The following ARHGEF3 variants were observed in gnomAD, a reference collection of about 807,000 sequenced individuals.
ARHGEF3 encodes the protein Rho guanine nucleotide exchange factor 3.
ARHGEF3 carries 28 observed loss-of-function variants against 63.2 expected under a neutral mutation model. The observed-to-expected ratio is 0.44, with a 90% CI of 0.33 to 0.61. The LOEUF (loss-of-function observed/expected upper bound fraction) is 0.61. Ranked by LOEUF, ARHGEF3 falls within the 20% of genes least tolerant of loss-of-function variation. The pLI is 0.03. For missense variants in ARHGEF3, 533 were observed against 659.3 expected (o/e 0.81, Z 2.10); for synonymous variants, 266 against 254.2 (o/e 1.05, Z -0.44).
At chr3:56,995,037 AGGCCTCAGGAGACTG>A (rs1368823984) in intron 2 of ARHGEF3, among the ~76,000 whole-genome samples, 2 of 152,098 alleles carry the variant, frequency 1.3e-5, no homozygotes, top group Non-Finnish European at 2.9e-5. Context: ...AAGTTTCCTG[AGGCCTCAGGAGACTG>A]GGCCTCAGTT....
At chr3:57,017,065 CG>C (rs869281490) in intron 2 of ARHGEF3, among the ~76,000 whole-genome samples, 3,633 of 148,580 alleles carry the variant, frequency 0.024, 74 homozygotes, top group Non-Finnish European at 0.033. Context: ...CACACACACA[CG>C]AGTCACCAAA....
intron 3 of ARHGEF3, among the ~76,000 whole-genome samples, chr3:56,936,967 C>T (rs1160069297): frequency 6.6e-6 from 1 of 152,216 alleles, no homozygotes; most frequent in East Asian, 1.9e-4. Flanking sequence ...AATCCACCCG[C>T]CTTGACCTCC....
At chr3:56,945,207 T>A (rs547446690) in intron 3 of ARHGEF3, among the ~76,000 whole-genome samples, 1 of 151,766 alleles carries the variant, frequency 6.6e-6, no homozygotes, top group Non-Finnish European at 1.5e-5. Context: ...AGAAGACGGG[T>A]GATTTCTGCG....
At chr3:57,060,009 A>C (rs1314965528) in intron 1 of ARHGEF3, among the ~76,000 whole-genome samples, 1 of 149,684 alleles carries the variant, frequency 6.7e-6, no homozygotes, top group Non-Finnish European at 1.5e-5. Flanking sequence ...AAATAAAAAT[A>C]AAAATAAAAA....
chr3:57,013,564 G>T (rs9878105), intron 2 of ARHGEF3, among the ~76,000 whole-genome samples: 15,138 of 151,522 alleles, frequency 0.1, 2,568 homozygotes, highest in African/African-American at 0.34. Flanking sequence ...GTTCTCCGTG[G>T]CTAGCTAATC....
At chr3:56,795,062 G>A (rs569771725) in intron 1 of ARHGEF3, among the ~76,000 whole-genome samples, 2 of 150,052 alleles carry the variant, frequency 1.3e-5, no homozygotes, top group Admixed American at 6.7e-5. Flanking sequence ...ATGGGGTCTC[G>A]CTGTGTTGCC....
chr3:57,035,394 T>C (rs902774375), intron 1 of ARHGEF3, among the ~76,000 whole-genome samples: 1 of 152,218 alleles, frequency 6.6e-6, no homozygotes, highest in Admixed American at 6.5e-5. Flanking sequence ...CTGTCACCCA[T>C]GCTGCAGTGC....
chr3:57,064,960 G>C (rs1705442357), intron 1 of ARHGEF3, among the ~76,000 whole-genome samples: 1 of 152,202 alleles, frequency 6.6e-6, no homozygotes, highest in Non-Finnish European at 1.5e-5. Flanking sequence ...AATTTTTTGA[G>C]ACACAATAGA....
At chr3:56,989,094 A>G (rs955933138) in intron 2 of ARHGEF3, among the ~76,000 whole-genome samples, 15 of 152,306 alleles carry the variant, frequency 9.8e-5, no homozygotes, top group African/African-American at 2.6e-4. Context: ...GCTGGCCGGT[A>G]TTAGAAAACT....
chr3:56,992,048 G>C (rs978761487), intron 2 of ARHGEF3, among the ~76,000 whole-genome samples: 2 of 151,322 alleles, frequency 1.3e-5, no homozygotes, highest in African/African-American at 2.4e-5. Flanking sequence ...GTGTGTGTGT[G>C]TGTGTGTGTG....
chr3:56,823,221 T>A (rs939049061), intron 4 of ARHGEF3, among the ~76,000 whole-genome samples: 2 of 152,184 alleles, frequency 1.3e-5, no homozygotes, highest in African/African-American at 4.8e-5. Context: ...TAAATGTATG[T>A]CTTAAATATA....
At chr3:57,045,119 T>C (rs1704390946) in intron 1 of ARHGEF3, among the ~76,000 whole-genome samples, 1 of 152,014 alleles carries the variant, frequency 6.6e-6, no homozygotes, top group African/African-American at 2.4e-5. Context: ...ATACAAAAAT[T>C]AGCTGGGCGT....
At chr3:56,742,858 G>A (rs2034130043) in intron 7 of ARHGEF3, among the ~76,000 whole-genome samples, 3 of 152,166 alleles carry the variant, frequency 2.0e-5, no homozygotes, top group African/African-American at 7.2e-5. Context: ...ACATCATTTT[G>A]AATTACACAC....
chr3:56,933,872 T>G (rs568161034), intron 3 of ARHGEF3, among the ~76,000 whole-genome samples: 1 of 152,286 alleles, frequency 6.6e-6, no homozygotes, highest in African/African-American at 2.4e-5. Flanking sequence ...TGGGAGGTGA[T>G]TGGATCATGG....
intron 4 of ARHGEF3, among the ~76,000 whole-genome samples, chr3:56,814,401 T>C (rs1332340068): frequency 1.3e-5 from 2 of 152,220 alleles, no homozygotes; most frequent in Admixed American, 1.3e-4. Context: ...AGCCAAAAGA[T>C]TGGACACCTC....
intron 8 of ARHGEF3, among the ~76,000 whole-genome samples, chr3:56,733,143 T>A (rs1396096385): frequency 6.6e-6 from 1 of 151,214 alleles, no homozygotes; most frequent in Non-Finnish European, 1.5e-5. Flanking sequence ...ATTAGCCGGG[T>A]GTGGTGGCGG....
intron 2 of ARHGEF3, among the ~76,000 whole-genome samples, chr3:57,027,824 A>C (rs1248947091): frequency 6.6e-6 from 1 of 152,014 alleles, no homozygotes; most frequent in African/African-American, 2.4e-5. Flanking sequence ...ACGCCATTGC[A>C]CTCCAGCCTG....
intron 3 of ARHGEF3, among the ~76,000 whole-genome samples, chr3:56,924,625 G>A (rs2042232508): frequency 6.6e-6 from 1 of 152,198 alleles, no homozygotes; most frequent in African/African-American, 2.4e-5. Context: ...AACATATAGG[G>A]TAACTTCCTG....
chr3:56,818,749 T>C (rs1193883872), intron 4 of ARHGEF3, among the ~76,000 whole-genome samples: 1 of 152,172 alleles, frequency 6.6e-6, no homozygotes, highest in Non-Finnish European at 1.5e-5. Context: ...GCGCTTGGAA[T>C]ATGAACAAAG....
Sources: allele counts gnomAD v4.1 joint callset (sites outside exome capture counted in the v4.1 genomes callset), GRCh38; gene constraint gnomAD v4.1.1; transcripts MANE v1.5; gene names NCBI Gene and HGNC (gene_info 2026-07-23, HGNC 2026-07-21).